The following XYLT1 variants were observed in gnomAD, a reference collection of about 807,000 sequenced individuals.
XYLT1 encodes xylosyltransferase 1.
In XYLT1, 36 loss-of-function variants were observed where a neutral mutation model predicts 91.3. The observed-to-expected ratio is 0.39, with a 90% CI of 0.30 to 0.52. The LOEUF (loss-of-function observed/expected upper bound fraction) is 0.52. Among genes scored for constraint, XYLT1 ranks in the 20% least tolerant of loss-of-function variants. The probability of loss-of-function intolerance (pLI) is 0.68; values close to 1 mark genes in which losing one functional copy is unlikely to be tolerated. For missense variants in XYLT1, 1,242 were observed against 1,284.5 expected (o/e 0.97, Z 0.51); for synonymous variants, 588 against 532.0 (o/e 1.11, Z -1.45).
At chr16:17,395,223 A>C (rs530226296) in intron 1 of XYLT1, among the ~76,000 whole-genome samples, 4 of 152,298 alleles carry the variant, frequency 2.6e-5, no homozygotes, top group African/African-American at 7.2e-5. Flanking sequence ...CAGCATGGGG[A>C]AAACCTCCCC....
At chr16:17,337,192 A>G (rs150151808) in intron 2 of XYLT1, among the ~76,000 whole-genome samples, 1 of 152,110 alleles carries the variant, frequency 6.6e-6, no homozygotes, top group East Asian at 1.9e-4. Context: ...ACTTCCTGAG[A>G]ATCTTTTTTC....
intron 3 of XYLT1, among the ~76,000 whole-genome samples, chr16:17,225,795 T>C (rs1266180333): frequency 6.6e-6 from 1 of 152,182 alleles, no homozygotes; most frequent in East Asian, 1.9e-4. Flanking sequence ...TCATAAATAA[T>C]GTAGAATCGC....
At chr16:17,230,534 C>A (rs1044220951) in intron 3 of XYLT1, among the ~76,000 whole-genome samples, 1 of 152,194 alleles carries the variant, frequency 6.6e-6, no homozygotes, top group African/African-American at 2.4e-5. Flanking sequence ...GAGTTGTTTT[C>A]CAAAGGAAGC....
At chr16:17,231,867 G>A (rs553822135) in intron 3 of XYLT1, among the ~76,000 whole-genome samples, 1 of 151,826 alleles carries the variant, frequency 6.6e-6, no homozygotes, top group South Asian at 2.1e-4. Flanking sequence ...GTAAGTCGTG[G>A]GTGAATATGA....
intron 1 of XYLT1, among the ~76,000 whole-genome samples, chr16:17,394,674 A>G (rs532193580): frequency 1.7e-4 from 26 of 152,180 alleles, no homozygotes; most frequent in Non-Finnish European, 3.4e-4. Flanking sequence ...CTGGAGCTAG[A>G]CCGCCTGGGT....
intron 5 of XYLT1, among the ~76,000 whole-genome samples, chr16:17,174,486 A>G (rs767116383): frequency 6.6e-6 from 1 of 152,228 alleles, no homozygotes; most frequent in Non-Finnish European, 1.5e-5. Flanking sequence ...ATGAACCTTG[A>G]AAACATAATG....
chr16:17,129,367 T>C (rs1259455009), intron 9 of XYLT1, among the ~76,000 whole-genome samples: 1 of 152,192 alleles, frequency 6.6e-6, no homozygotes, highest in Admixed American at 6.5e-5. Flanking sequence ...GTTCAAGCGA[T>C]TCTCCTGACT....
At chr16:17,120,512 C>T (rs2030010492) in intron 10 of XYLT1, among the ~76,000 whole-genome samples, 1 of 152,154 alleles carries the variant, frequency 6.6e-6, no homozygotes, top group Non-Finnish European at 1.5e-5. Context: ...GACCGGTCTA[C>T]CTTTCCCCGC....
chr16:17,320,440 T>C (rs1050488301), intron 2 of XYLT1, among the ~76,000 whole-genome samples: 1 of 151,670 alleles, frequency 6.6e-6, no homozygotes, highest in African/African-American at 2.4e-5. Context: ...AAATGGGGCA[T>C]GAGTTGTGAG....
intron 3 of XYLT1, among the ~76,000 whole-genome samples, chr16:17,216,946 T>A (rs935515886): frequency 6.6e-6 from 1 of 152,204 alleles, no homozygotes; most frequent in African/African-American, 2.4e-5. Context: ...AACATTTGGT[T>A]TTGCTCCTAG....
intron 1 of XYLT1, among the ~76,000 whole-genome samples, chr16:17,413,724 T>C (rs1213455091): frequency 6.6e-6 from 1 of 152,102 alleles, no homozygotes; most frequent in African/African-American, 2.4e-5. Context: ...AGATTTTCTG[T>C]ATTGTAGATG....
chr16:17,170,766 T>C (rs980278878), intron 5 of XYLT1, among the ~76,000 whole-genome samples: 1 of 152,164 alleles, frequency 6.6e-6, no homozygotes, highest in Non-Finnish European at 1.5e-5. Context: ...ATAATACTAA[T>C]TTGTCCATTT....
intron 3 of XYLT1, among the ~76,000 whole-genome samples, chr16:17,254,407 T>A (rs974590853): frequency 1.3e-5 from 2 of 152,232 alleles, no homozygotes; most frequent in African/African-American, 4.8e-5. Context: ...TATTTACAAT[T>A]TTTTGTTGAC....
At chr16:17,137,486 G>A (rs1160798519) in intron 8 of XYLT1, 1 of 152,270 alleles carries the variant, frequency 6.6e-6, no homozygotes, top group African/African-American at 2.4e-5. Context: ...ACCATTCAGT[G>A]GCACTCATAT....
At chr16:17,339,804 T>C (rs2035039033) in intron 2 of XYLT1, among the ~76,000 whole-genome samples, 1 of 152,124 alleles carries the variant, frequency 6.6e-6, no homozygotes, top group African/African-American at 2.4e-5. Context: ...TGAGATATTT[T>C]ATCTATCTAT....
At chr16:17,300,675 G>A (rs1459744115) in intron 2 of XYLT1, among the ~76,000 whole-genome samples, 1 of 151,692 alleles carries the variant, frequency 6.6e-6, no homozygotes, top group Non-Finnish European at 1.5e-5. Flanking sequence ...GGCCACGCTG[G>A]TCTGGAACTC....
chr16:17,341,758 G>C (rs565969410), intron 2 of XYLT1, among the ~76,000 whole-genome samples: 2 of 152,314 alleles, frequency 1.3e-5, no homozygotes, highest in South Asian at 4.1e-4. Context: ...TCATGTGCTT[G>C]TATTGCATTA....
chr16:17,232,596 G>C (rs1399129910), intron 3 of XYLT1, among the ~76,000 whole-genome samples: 2 of 151,696 alleles, frequency 1.3e-5, no homozygotes, highest in African/African-American at 4.8e-5. Context: ...GGCAGTGATG[G>C]TGGTGGAGGT....
chr16:17,421,695 C>T (rs1388231662), intron 1 of XYLT1, among the ~76,000 whole-genome samples: 2 of 152,184 alleles, frequency 1.3e-5, no homozygotes, highest in Non-Finnish European at 2.9e-5. Flanking sequence ...ATCCTCCAGC[C>T]CCAGTGGACA....
Sources: gnomAD v4.1 joint callset for allele counts (sites outside exome capture counted in the v4.1 genomes callset) on GRCh38, gnomAD v4.1.1 for gene constraint, MANE v1.5 for transcripts, NCBI Gene and HGNC (gene_info 2026-07-23, HGNC 2026-07-21) for gene names.